Variants in FARP1 observed in about 807,000 individuals in gnomAD.
FARP1 encodes the protein FERM, ARH/RhoGEF and pleckstrin domain protein 1, also known as FERM, ARHGEF and pleckstrin domain-containing protein 1.
In FARP1, 52 loss-of-function variants were observed where a neutral mutation model predicts 128.8. The observed-to-expected ratio is 0.40, with a 90% CI of 0.32 to 0.51. FARP1 has a LOEUF of 0.51. Among genes scored for constraint, FARP1 ranks in the 20% least tolerant of loss-of-function variants. The probability of loss-of-function intolerance (pLI) is 0.45; values close to 1 mark genes in which losing one functional copy is unlikely to be tolerated. For synonymous variants in FARP1, 580 were observed against 551.8 expected (o/e 1.05, Z -0.72); for missense variants, 1,333 against 1,367.9 (o/e 0.97, Z 0.40).
At chr13:98,212,681 G>A (rs1173347388) in intron 1 of FARP1, among the ~76,000 whole-genome samples, 1 of 152,138 alleles carries the variant, frequency 6.6e-6, no homozygotes, top group African/African-American at 2.4e-5. Flanking sequence ...ATAGACACTA[G>A]AAACCAAGAA....
At chr13:98,424,775 C>T in intron 17 of FARP1, 125 bp downstream of exon 17, 1 of 706,216 alleles carries the variant, frequency 1.4e-6, no homozygotes, top group Non-Finnish European at 2.6e-6. Flanking sequence ...CTACACCAAG[C>T]TTGTCCAACC....
At chr13:98,270,207 G>A (rs958113406) in intron 2 of FARP1, among the ~76,000 whole-genome samples, 8 of 152,288 alleles carry the variant, frequency 5.3e-5, no homozygotes, top group Admixed American at 5.2e-4. Context: ...GTGCTTTCTT[G>A]CACATTTGAC....
chr13:98,211,899 C>T (rs899696266), intron 1 of FARP1, among the ~76,000 whole-genome samples: 9 of 152,198 alleles, frequency 5.9e-5, no homozygotes, highest in African/African-American at 1.9e-4. Flanking sequence ...CCTAGGTAGG[C>T]GCTGAGCTGC....
chr13:98,355,212 G>A (rs1888592404), intron 3 of FARP1, among the ~76,000 whole-genome samples: 1 of 152,018 alleles, frequency 6.6e-6, no homozygotes, highest in Non-Finnish European at 1.5e-5. Flanking sequence ...AGGCATGGTG[G>A]CTCACACCTG....
chr13:98,247,705 A>G (rs894780807), intron 2 of FARP1, among the ~76,000 whole-genome samples: 6 of 152,190 alleles, frequency 3.9e-5, no homozygotes, highest in Non-Finnish European at 5.9e-5. Context: ...TCCACCTTCA[A>G]CGGATTCCAG....
chr13:98,217,360 A>G (rs1230861711), intron 2 of FARP1, among the ~76,000 whole-genome samples: 2 of 152,188 alleles, frequency 1.3e-5, no homozygotes, highest in African/African-American at 4.8e-5. Flanking sequence ...AGTGGTGGCC[A>G]GTTGCAGGCG....
At position 98,176,017 on chromosome 13, in the gene FARP1, C is replaced by A; in HGVS notation, c.-24+32525C>A. ...CTTTTGCAAATAATTCTGCAGTGAACATGGGAGTGCACATACCTCTTTGAG... is the reference window on the plus strand; with the variant it reads ...CTTTTGCAAATAATTCTGCAGTGAAAATGGGAGTGCACATACCTCTTTGAG... On this transcript the variant is annotated intron_variant, in intron 1 of 26. Coordinates refer to ENST00000319562, the MANE Select transcript of FARP1 (RefSeq NM_005766.4). The surrounding 1 kb of genome is among the most constrained non-coding windows in gnomAD (Gnocchi z 6.2). 1 of 738,752 alleles carries A rather than the reference C, an allele frequency of 1.4e-6. No homozygotes were observed. The allele number at this position is 738,752 out of a possible 1,614,324, so 45.8% of individuals were successfully genotyped here. A position where few individuals can be genotyped will look rare whatever the true frequency, so the allele number is the denominator to read the frequency against.
intron 12 of FARP1, 86 bp from the exon 13 acceptor site, chr13:98,395,141 C>T: frequency 6.7e-7 from 1 of 1,482,868 alleles, no homozygotes; most frequent in Non-Finnish European, 9.0e-7. Context: ...GGTGTTCTTG[C>T]CTGGCTCTCC....
At chr13:98,213,606 C>T (rs1880870594) in intron 2 of FARP1, among the ~76,000 whole-genome samples, 193 bp downstream of exon 2, 1 of 152,126 alleles carries the variant, frequency 6.6e-6, no homozygotes, top group South Asian at 2.1e-4. Flanking sequence ...TAGATTTATG[C>T]TTGAACCACC....
intron 1 of FARP1, among the ~76,000 whole-genome samples, chr13:98,161,765 C>T (rs1184987092): frequency 6.6e-6 from 1 of 151,906 alleles, no homozygotes; most frequent in African/African-American, 2.4e-5. Flanking sequence ...CTCCCTCCAT[C>T]GTTCCTTCCT....
Position 98,415,271 on chromosome 13 carries a change from T to A in FARP1, c.1826+3237T>A, listed in dbSNP as rs572438583. 6.6e-5 allele frequency among the ~76,000 whole-genome samples: 10 copies of A among 152,292 alleles called. No individual in the cohort carries two copies. The South Asian group carries it at 8.3e-4, about 13-fold the overall frequency. On this transcript the variant is annotated intron_variant, in intron 16 of 26. Coordinates refer to ENST00000319562, the MANE Select transcript of FARP1 (RefSeq NM_005766.4). ...GAGTGAGACTCAGGAATCTGTGTGT[T>A]TTAAGTACTTCTTGGGGTGATCGTG...
intron 1 of FARP1, among the ~76,000 whole-genome samples, chr13:98,153,111 G>A (rs1369753289): frequency 3.3e-5 from 5 of 151,528 alleles, no homozygotes; most frequent in African/African-American, 1.2e-4. Flanking sequence ...CTTAACTGGA[G>A]TGTTTGGTTC....
intron 2 of FARP1, among the ~76,000 whole-genome samples, chr13:98,240,872 G>A (rs1271165656): frequency 1.3e-5 from 2 of 152,194 alleles, no homozygotes; most frequent in African/African-American, 2.4e-5. Context: ...AGTAGAACCC[G>A]GAAACCTGGC....
intron 2 of FARP1, among the ~76,000 whole-genome samples, chr13:98,229,971 C>A (rs1013304820): frequency 7.2e-5 from 11 of 152,090 alleles, no homozygotes; most frequent in African/African-American, 2.4e-4. Context: ...ACTCAGAAAG[C>A]AAGTGTTGTT....
chr13:98,437,412 G>T (rs1018773140), intron 19 of FARP1, among the ~76,000 whole-genome samples: 1 of 151,756 alleles, frequency 6.6e-6, no homozygotes, highest in African/African-American at 2.4e-5. Context: ...TACGAAGACA[G>T]TTATAGATAA....
At chr13:98,165,162 C>T (rs1877151024) in intron 1 of FARP1, among the ~76,000 whole-genome samples, 1 of 136,292 alleles carries the variant, frequency 7.3e-6, no homozygotes, top group African/African-American at 2.7e-5. Flanking sequence ...TTGCAGTGAG[C>T]CGAGATTGAG....
chr13:98,230,752 T>C (rs931025162), intron 2 of FARP1, among the ~76,000 whole-genome samples: 3 of 151,964 alleles, frequency 2.0e-5, no homozygotes, highest in African/African-American at 7.3e-5. Context: ...GATCTACGGG[T>C]AAAGGAGATG....
chr13:98,177,061 G>C lies in FARP1; in HGVS notation c.-24+33569G>C, dbSNP rs759781931. 8.1e-6 allele frequency: 13 copies of C among 1,595,946 alleles called. No individual in the cohort carries two copies. In the Admixed American group the frequency reaches 2.2e-4, roughly 27 times the overall value. On this transcript the variant is annotated intron_variant, in intron 1 of 26. Transcript: ENST00000319562. The stretch of plus-strand genomic sequence containing the variant: ...CCGGGGCCTCGGTGCCACCCGCGGG[G>C]GCTGAGCCACTGTGTCGCCCTCGTC...
chr13:98,272,245 G>A (rs747954831), intron 2 of FARP1, among the ~76,000 whole-genome samples: 1 of 152,088 alleles, frequency 6.6e-6, no homozygotes, highest in Non-Finnish European at 1.5e-5. Context: ...GGCCAGGCTT[G>A]CCTTGAACTC....
Sources: gnomAD v4.1 joint callset for allele counts (sites outside exome capture counted in the v4.1 genomes callset) on GRCh38, gnomAD v4.1.1 for gene constraint, Gnocchi (gnomAD v3.1) non-coding constraint, MANE v1.5 for transcripts, NCBI Gene and HGNC (gene_info 2026-07-23, HGNC 2026-07-21) for gene names.